TSPAN13: variants seen among roughly 807,000 people sequenced by gnomAD.
TSPAN13 encodes the protein tetraspanin-13.
Under a neutral mutation model 26.9 loss-of-function variants are expected in TSPAN13, and 18 were observed. The observed-to-expected ratio is 0.67, with a 90% confidence interval of 0.46 to 0.99. The LOEUF is 0.99. TSPAN13 is among the 50% of genes least tolerant of loss of function. TSPAN13 has a pLI of 0.00. For synonymous variants in TSPAN13, 116 were observed against 98.4 expected (o/e 1.18, Z -1.06); for missense variants, 201 against 249.6 (o/e 0.81, Z 1.31).
chr7:16,755,541 GTT>G (rs34234997), intron 1 of TSPAN13, among the ~76,000 whole-genome samples: 31 of 139,352 alleles, frequency 2.2e-4, no homozygotes, highest in African/African-American at 4.3e-4. Context: ...GTTCTCTAGG[GTT>G]TTTTTTTTTT....
chr7:16,777,257 C>G (rs1487126280), intron 3 of TSPAN13, 135 bp downstream of exon 3: 1 of 632,778 alleles, frequency 1.6e-6, no homozygotes, highest in African/African-American at 1.8e-5. Flanking sequence ...GCAAAACTCT[C>G]TTGTTCCCTT....
chr7:16,772,466 G>A (rs1784691188), intron 1 of TSPAN13, among the ~76,000 whole-genome samples: 2 of 152,194 alleles, frequency 1.3e-5, no homozygotes, highest in Admixed American at 1.3e-4. Context: ...GGACCTGGGG[G>A]AGAATCTGTT....
chr7:16,777,729 G>A, intron 3 of TSPAN13, 69 bp from the exon 4 acceptor site: 1 of 1,193,008 alleles, frequency 8.4e-7, no homozygotes, highest in Non-Finnish European at 1.2e-6. Context: ...AGTACTAAAA[G>A]TTACAGGCTC....
chr7:16,768,057 C>T (rs1225449910), intron 1 of TSPAN13, among the ~76,000 whole-genome samples: 19 of 152,048 alleles, frequency 1.2e-4, no homozygotes, highest in South Asian at 2.1e-4. Context: ...GGATTACAGG[C>T]GGGTGCCACC....
At chr7:16,777,401 T>C (rs1217105437) in intron 3 of TSPAN13, among the ~76,000 whole-genome samples, 1 of 152,208 alleles carries the variant, frequency 6.6e-6, no homozygotes, top group Non-Finnish European at 1.5e-5. Context: ...TTTCCCACTA[T>C]TATGCAATGA....
At chr7:16,776,922 A>G (rs1401973710) in intron 2 of TSPAN13, 120 bp from the exon 3 acceptor site, 6 of 528,444 alleles carry the variant, frequency 1.1e-5, no homozygotes, top group Middle Eastern at 5.0e-4. Context: ...TCTAAGTGCC[A>G]TCTGTTCTGT....
At chr7:16,763,489 C>G (rs1026610258) in intron 1 of TSPAN13, among the ~76,000 whole-genome samples, 1 of 152,176 alleles carries the variant, frequency 6.6e-6, no homozygotes, top group Non-Finnish European at 1.5e-5. Flanking sequence ...TCGCTCGCCC[C>G]TTTCATCCGC....
chr7:16,771,859 C>A (rs1784683419), intron 1 of TSPAN13, among the ~76,000 whole-genome samples: 1 of 152,128 alleles, frequency 6.6e-6, no homozygotes, highest in Non-Finnish European at 1.5e-5. Context: ...GAAGACACAG[C>A]AGAATCAACT....
chr7:16,757,569 T>A (rs1282144898), intron 1 of TSPAN13, among the ~76,000 whole-genome samples: 1 of 152,146 alleles, frequency 6.6e-6, no homozygotes, highest in Non-Finnish European at 1.5e-5. Context: ...CAAACATATA[T>A]TTACTGGGAC....
intron 5 of TSPAN13, among the ~76,000 whole-genome samples, 188 bp downstream of exon 5, chr7:16,779,304 A>T (rs1323023382): frequency 6.6e-6 from 1 of 152,218 alleles, no homozygotes; most frequent in African/African-American, 2.4e-5. Context: ...GACCGGGTGA[A>T]AGGCTTGATC....
chr7:16,767,353 C>G (rs185292954), intron 1 of TSPAN13, among the ~76,000 whole-genome samples: 203 of 152,180 alleles, frequency 1.3e-3, no homozygotes, highest in Admixed American at 3.1e-3. Context: ...TGCAACTTGT[C>G]TGATTTCCTT....
chr7:16,776,455 G>C, intron 2 of TSPAN13, 77 bp downstream of exon 2: 1 of 1,416,050 alleles, frequency 7.1e-7, no homozygotes, highest in Non-Finnish European at 9.6e-7. Flanking sequence ...TTATCACTAG[G>C]AAATTTATTG....
chr7:16,764,307 G>A (rs2115325729), intron 1 of TSPAN13, among the ~76,000 whole-genome samples: 1 of 152,138 alleles, frequency 6.6e-6, no homozygotes, highest in African/African-American at 2.4e-5. Context: ...GGTTAAAGGT[G>A]TGAGCCACCG....
At chr7:16,762,755 A>G (rs537150878) in intron 1 of TSPAN13, among the ~76,000 whole-genome samples, 1 of 152,126 alleles carries the variant, frequency 6.6e-6, no homozygotes. Context: ...TTCCTGCCCA[A>G]CTATCCTTGG....
At chr7:16,779,552 T>C (rs1193967415) in intron 5 of TSPAN13, among the ~76,000 whole-genome samples, 4 of 151,946 alleles carry the variant, frequency 2.6e-5, no homozygotes, top group African/African-American at 9.7e-5. Context: ...TCCTACACCA[T>C]TTTTCATTCC....
At chr7:16,763,003 C>T (rs1443479799) in intron 1 of TSPAN13, among the ~76,000 whole-genome samples, 3 of 152,116 alleles carry the variant, frequency 2.0e-5, no homozygotes, top group Admixed American at 1.3e-4. Flanking sequence ...ATCTCCTCAT[C>T]CTTCTTTGAA....
intron 1 of TSPAN13, among the ~76,000 whole-genome samples, chr7:16,766,427 A>C: frequency 6.6e-6 from 1 of 152,220 alleles, no homozygotes; most frequent in East Asian, 1.9e-4. Context: ...GCATATGTGC[A>C]TCTAGGAGTT....
chr7:16,764,350 T>G (rs1784583182), intron 1 of TSPAN13, among the ~76,000 whole-genome samples: 1 of 152,132 alleles, frequency 6.6e-6, no homozygotes, highest in South Asian at 2.1e-4. Flanking sequence ...AATACCATTA[T>G]TGTATGTATC....
rs958329659 is a variant in TSPAN13 at position 16,778,604 on chromosome 7, GTC to G, written c.427-391_427-390del. ...TTTTTTTGCTGCCTGTTGGCTGGAG[GTC>G]TCTCTCTGCAACTAGAAGCTGCTCT... On this transcript the variant is annotated intron_variant, in intron 4 of 5. Coordinates refer to ENST00000262067, the MANE Select transcript of TSPAN13 (RefSeq NM_014399.4). Among the ~76,000 whole-genome samples, 15 of 152,274 alleles carry G rather than the reference GTC, an allele frequency of 9.9e-5. No individual in the cohort carries two copies. The East Asian group carries it at 1.7e-3, about 18-fold the overall frequency.
Sources: gnomAD v4.1 joint callset for allele counts (sites outside exome capture counted in the v4.1 genomes callset) on GRCh38, gnomAD v4.1.1 for gene constraint, MANE v1.5 for transcripts, NCBI Gene and HGNC (gene_info 2026-07-23, HGNC 2026-07-21) for gene names.